Variants in RIMKLB observed in about 807,000 individuals in gnomAD.
RIMKLB encodes the protein beta-citrylglutamate synthase B.
Under a neutral mutation model 32.0 loss-of-function variants are expected in RIMKLB, and 7 were observed. That is an observed-to-expected ratio of 0.22 (90% CI 0.12 to 0.41). The LOEUF (loss-of-function observed/expected upper bound fraction) is 0.41, where lower values mean the gene tolerates loss of function less well. Among genes scored for constraint, RIMKLB ranks in the 10% least tolerant of loss-of-function variants. RIMKLB has a pLI of 1.00. For synonymous variants in RIMKLB, 172 were observed against 185.1 expected, an observed-to-expected ratio of 0.93 and a Z score of 0.57; for missense variants, 289 against 498.7, an observed-to-expected ratio of 0.58 and a Z score of 4.00.
At chr12:8,674,521 G>C in the RIMKLB span, among the ~76,000 whole-genome samples, 18 of 151,332 alleles carry the variant, frequency 1.2e-4, no homozygotes, top group South Asian at 8.3e-4. Context: ...TTATAGGCGT[G>C]AGCCACCGCG....
At chr12:8,712,662 T>C (rs1346693805) in intron 1 of RIMKLB, among the ~76,000 whole-genome samples, 1 of 152,138 alleles carries the variant, frequency 6.6e-6, no homozygotes, top group South Asian at 2.1e-4. Flanking sequence ...TTCAAGGTGC[T>C]TGGGAATGTG....
chr12:8,753,021 C>T (rs1415347970), intron 4 of RIMKLB, among the ~76,000 whole-genome samples: 1 of 152,180 alleles, frequency 6.6e-6, no homozygotes, highest in East Asian at 1.9e-4. Context: ...GTTGGTATTA[C>T]AGGTGTGAGC....
At chr12:8,682,765 T>G (rs1248017789) in intron 1 of RIMKLB, among the ~76,000 whole-genome samples, 1 of 143,122 alleles carries the variant, frequency 7.0e-6, no homozygotes, top group Non-Finnish European at 1.5e-5. Context: ...GGAGCGAGAT[T>G]CCGCCTCAAA....
intron 7 of RIMKLB, among the ~76,000 whole-genome samples, chr12:8,782,496 G>T (rs924649318): frequency 7.2e-5 from 11 of 152,030 alleles, no homozygotes; most frequent in African/African-American, 2.7e-4. Context: ...GGCTGTTTTG[G>T]TGTCAGCATC....
intron 7 of RIMKLB, among the ~76,000 whole-genome samples, chr12:8,782,556 T>G (rs1951154813): frequency 6.6e-6 from 1 of 152,202 alleles, no homozygotes; most frequent in Non-Finnish European, 1.5e-5. Flanking sequence ...TTGCGACTGT[T>G]CACTCACTAG....
the RIMKLB span, among the ~76,000 whole-genome samples, chr12:8,674,168 C>T: frequency 6.6e-6 from 1 of 150,820 alleles, no homozygotes; most frequent in Non-Finnish European, 1.5e-5. Flanking sequence ...GTCAGATAGT[C>T]AACATTTACA....
intron 2 of RIMKLB, among the ~76,000 whole-genome samples, chr12:8,714,930 G>A (rs1011300317): frequency 5.9e-5 from 9 of 152,198 alleles, no homozygotes; most frequent in East Asian, 5.8e-4. Flanking sequence ...CCTCATCAAT[G>A]AAATGGAGAA....
upstream of RIMKLB, among the ~76,000 whole-genome samples, chr12:8,678,417 G>A (rs1392737027): frequency 5.9e-5 from 9 of 151,574 alleles, no homozygotes; most frequent in African/African-American, 1.7e-4. Context: ...CGCATCCTCC[G>A]CCTCCCGGGT....
intron 5 of RIMKLB, among the ~76,000 whole-genome samples, chr12:8,771,670 T>C (rs760194979): frequency 1.3e-5 from 2 of 152,122 alleles, no homozygotes; most frequent in Non-Finnish European, 2.9e-5. Context: ...TCTTTGTAAA[T>C]TTTTTTAGTG....
chr12:8,694,270 C>T (rs1942818947), upstream of RIMKLB, among the ~76,000 whole-genome samples: 1 of 151,942 alleles, frequency 6.6e-6, no homozygotes, highest in Non-Finnish European at 1.5e-5. Context: ...TAGAGACAGG[C>T]TCTCCCTGTG....
In RIMKLB at chr12:8,719,548, T is replaced by A. The variant is rs187512294; in HGVS notation, c.175+5507T>A. ...TACGCCCAGCTGATTTTTGTATTTT[T>A]AGTAGAGACGGGGTTTCACCATGTT... On this transcript the variant is annotated intron_variant, in intron 2 of 5. Coordinates refer to ENST00000535829, the MANE Select transcript of RIMKLB (RefSeq NM_001297776.2). Among the ~76,000 whole-genome samples, 10 of 152,264 alleles carry A rather than the reference T, an allele frequency of 6.6e-5. No individual in the cohort carries two copies. In the East Asian group the frequency reaches 1.9e-3, roughly 29 times the overall value.
At chr12:8,777,539 TG>T, downstream of RIMKLB, 1 of 1,225,146 alleles carries the variant, frequency 8.2e-7, no homozygotes, top group South Asian at 1.5e-5. Flanking sequence ...TTTTTTACAT[TG>T]TTTTTAAAGA....
downstream of RIMKLB, chr12:8,777,321 G>A: frequency 1.0e-6 from 1 of 981,978 alleles, no homozygotes; most frequent in South Asian, 4.6e-5. Context: ...TGTTTCAGTA[G>A]TGGACAGAAA....
chr12:8,782,263 T>A (rs1012783350), intron 7 of RIMKLB, among the ~76,000 whole-genome samples: 1 of 152,112 alleles, frequency 6.6e-6, no homozygotes, highest in African/African-American at 2.4e-5. Context: ...CACAATAATT[T>A]TGTTTTATTT....
Position 8,776,189 on chromosome 12 carries a change from C to T in RIMKLB, c.*2405C>T. ...TTTTCTTAACTTATACCAAATTAAC[C>T]AACTATATTATAGGAAATATGTGAA... On this transcript the variant is annotated 3_prime_UTR_variant, in exon 6 of 6. Transcript: ENST00000535829. 2 of 982,070 alleles carry T rather than the reference C, an allele frequency of 2.0e-6. No homozygotes were observed. The highest frequency in any genetic ancestry group is 2.4e-6 in the Non-Finnish European group (2 of 826,982). The allele number at this position is 982,070 out of a possible 1,614,324, so 60.8% of individuals were successfully genotyped here.
chr12:8,693,693 G>T (rs994144075), upstream of RIMKLB, among the ~76,000 whole-genome samples: 1 of 151,956 alleles, frequency 6.6e-6, no homozygotes. Flanking sequence ...ACACCACACC[G>T]GGCCTGTACT....
At chr12:8,739,510 C>T (rs1947305610) in intron 2 of RIMKLB, among the ~76,000 whole-genome samples, 1 of 152,168 alleles carries the variant, frequency 6.6e-6, no homozygotes, top group African/African-American at 2.4e-5. Context: ...GAGACAGGGC[C>T]TGTCACCCAC....
rs566569943 is a variant in RIMKLB, at chr12:8,726,727, A to G, written c.175+12686A>G. ...ATATTTACAGTAAATTTTCTTATAGATGGCACGTAGTTGGGTCTTGTTTTT... is the reference window on the plus strand; with the variant it reads ...ATATTTACAGTAAATTTTCTTATAGGTGGCACGTAGTTGGGTCTTGTTTTT... On this transcript the variant is annotated intron_variant, in intron 2 of 5. Coordinates refer to ENST00000535829, the MANE Select transcript of RIMKLB (RefSeq NM_001297776.2). Among the ~76,000 whole-genome samples the G allele has an allele frequency of 6.0e-5, 9 of 151,230 alleles. No individual in the cohort carries two copies. The South Asian group carries it at 8.3e-4, about 14-fold the overall frequency.
At position 8,745,401 on chromosome 12, in the gene RIMKLB, A is replaced by AT. The variant is rs144089371; in HGVS notation, c.176-4451dup. Among the ~76,000 whole-genome samples, 304 of 149,116 alleles carry AT rather than the reference A, an allele frequency of 2.0e-3. 4 individuals carry two copies. The highest frequency in any genetic ancestry group is 0.018 in the East Asian group (92 of 5,126). ...GCTGTTCTCAGGCTGATTCCCGTAA[A>AT]TTTTTTTTTTGAGATGGTGTTTCAC... is the stretch of plus-strand genomic sequence containing the variant. On this transcript the variant is annotated intron_variant, in intron 2 of 5. Coordinates refer to ENST00000535829, the MANE Select transcript of RIMKLB (RefSeq NM_001297776.2).
Sources: gnomAD v4.1 joint callset for allele counts (sites outside exome capture counted in the v4.1 genomes callset) on GRCh38, gnomAD v4.1.1 for gene constraint, MANE v1.5 for transcripts, NCBI Gene and HGNC (gene_info 2026-07-23, HGNC 2026-07-21) for gene names.